The following SLC24A3 variants were observed in gnomAD, a reference collection of about 807,000 sequenced individuals.
SLC24A3 encodes the protein solute carrier family 24 member 3, also known as sodium/potassium/calcium exchanger 3.
In SLC24A3, 28 loss-of-function variants were observed where a neutral mutation model predicts 75.8. The observed-to-expected ratio is 0.37, with a 90% CI of 0.27 to 0.51. The LOEUF (loss-of-function observed/expected upper bound fraction) is 0.51. SLC24A3 is among the 20% of genes least tolerant of loss of function. The probability of loss-of-function intolerance (pLI) is 0.94; values close to 1 mark genes in which losing one functional copy is unlikely to be tolerated. For missense variants in SLC24A3, 663 were observed against 847.8 expected, an observed-to-expected ratio of 0.78 and a Z score of 2.71; for synonymous variants, 372 against 334.1, an observed-to-expected ratio of 1.11 and a Z score of -1.24.
chr20:19,497,673 C>T (rs923621689), intron 2 of SLC24A3, among the ~76,000 whole-genome samples: 1 of 152,160 alleles, frequency 6.6e-6, no homozygotes, highest in Non-Finnish European at 1.5e-5. Context: ...ACACTTGCCT[C>T]AGAAGATCAA....
intron 15 of SLC24A3, among the ~76,000 whole-genome samples, chr20:19,716,830 C>T (rs1453538761): frequency 6.6e-6 from 1 of 152,090 alleles, no homozygotes; most frequent in East Asian, 1.9e-4. Context: ...GCCAAGATCA[C>T]ACCACTGCAC....
intron 6 of SLC24A3, among the ~76,000 whole-genome samples, chr20:19,636,936 A>G (rs1441071162): frequency 6.6e-6 from 1 of 152,222 alleles, no homozygotes; most frequent in Non-Finnish European, 1.5e-5. Context: ...TATTGAAGCC[A>G]TAAAACAAGA....
intron 6 of SLC24A3, among the ~76,000 whole-genome samples, chr20:19,585,975 A>C (rs918783631): frequency 6.6e-6 from 1 of 152,246 alleles, no homozygotes; most frequent in South Asian, 2.1e-4. Context: ...ACATGCAGTC[A>C]TCACGGTTTA....
At chr20:19,296,425 T>G (rs1984062325) in intron 2 of SLC24A3, among the ~76,000 whole-genome samples, 1 of 152,102 alleles carries the variant, frequency 6.6e-6, no homozygotes, top group Admixed American at 6.5e-5. Flanking sequence ...TCTCTAGTTC[T>G]TTTAGTTATG....
chr20:19,299,067 C>T (rs6045978), intron 2 of SLC24A3, among the ~76,000 whole-genome samples: 10 of 152,144 alleles, frequency 6.6e-5, no homozygotes, highest in Admixed American at 4.6e-4. Flanking sequence ...GCCGGCACTG[C>T]CAGTCATTGC....
At chr20:19,549,043 C>A (rs1003885148) in intron 3 of SLC24A3, among the ~76,000 whole-genome samples, 2 of 152,148 alleles carry the variant, frequency 1.3e-5, no homozygotes, top group African/African-American at 4.8e-5. Flanking sequence ...TCTTTCTGAG[C>A]CTTAACGGCC....
chr20:19,592,538 A>T (rs1237002283), intron 6 of SLC24A3, among the ~76,000 whole-genome samples: 1 of 152,200 alleles, frequency 6.6e-6, no homozygotes, highest in Non-Finnish European at 1.5e-5. Flanking sequence ...AAATGAAGCA[A>T]TCATTTCCCT....
chr20:19,234,456 T>C (rs533656957), intron 1 of SLC24A3, among the ~76,000 whole-genome samples: 1 of 152,382 alleles, frequency 6.6e-6, no homozygotes, highest in African/African-American at 2.4e-5. Context: ...ATGACTGCAC[T>C]TCAGATGAAA....
chr20:19,305,195 G>A (rs2122251735), intron 2 of SLC24A3, among the ~76,000 whole-genome samples: 1 of 152,188 alleles, frequency 6.6e-6, no homozygotes, highest in East Asian at 1.9e-4. Flanking sequence ...TTGACATCAT[G>A]TTCCTCAGCC....
chr20:19,238,729 C>T (rs990470774), intron 1 of SLC24A3, among the ~76,000 whole-genome samples: 3 of 152,142 alleles, frequency 2.0e-5, no homozygotes, highest in African/African-American at 7.2e-5. Context: ...TCCTGGTCCC[C>T]GCCCTGGTCT....
In SLC24A3 at chr20:19,526,215, A is replaced by G. The variant is rs367620567; in HGVS notation, c.348+10651A>G. ...TTGTTCTCTTCAGTGCATTTCCTCC[A>G]GTGCTGGCTCTGATTTTGGACTTGA... On this transcript the variant is annotated intron_variant, in intron 3 of 16. Coordinates refer to ENST00000328041, the MANE Select transcript of SLC24A3 (RefSeq NM_020689.4). Among the ~76,000 whole-genome samples the G allele has an allele frequency of 1.4e-3, 213 of 152,262 alleles. 7 individuals are homozygous for G. In the South Asian group the frequency reaches 0.041, roughly 30 times the overall value.
rs572532735 is a variant in SLC24A3, at chr20:19,508,272, C to T, written c.272-7216C>T. The stretch of plus-strand genomic sequence containing the variant: ...GGGTAGCATCCAGACTGCCATCCTT[C>T]GGTGCAATTCCTGAGAGACCAATCC... On this transcript the variant is annotated intron_variant, in intron 2 of 16. Coordinates refer to ENST00000328041, the MANE Select transcript of SLC24A3 (RefSeq NM_020689.4). Among the ~76,000 whole-genome samples the T allele has an allele frequency of 1.6e-4, 25 of 152,278 alleles. No individual in the cohort carries two copies. In the East Asian group the frequency reaches 2.1e-3, roughly 13 times the overall value.
intron 2 of SLC24A3, among the ~76,000 whole-genome samples, chr20:19,415,518 ATTCTAAGTTCCACTG>A (rs1249666514): frequency 6.6e-6 from 1 of 152,196 alleles, no homozygotes; most frequent in African/African-American, 2.4e-5. Context: ...CTAAGTAAGT[ATTCTAAGTTCCACTG>A]TTTAAAAAAA....
At chr20:19,610,234 T>A (rs2031654831) in intron 6 of SLC24A3, among the ~76,000 whole-genome samples, 2 of 152,246 alleles carry the variant, frequency 1.3e-5, no homozygotes, top group African/African-American at 4.8e-5. Flanking sequence ...TGGTTTTCAT[T>A]CTGTTTTGTA....
At chr20:19,282,001 C>T (rs1169311405) in intron 2 of SLC24A3, among the ~76,000 whole-genome samples, 2 of 152,234 alleles carry the variant, frequency 1.3e-5, no homozygotes, top group East Asian at 3.9e-4. Flanking sequence ...GACTTGGCCT[C>T]ATGTGTGCCA....
chr20:19,681,822 C>T (rs2032618498), intron 9 of SLC24A3, 36 bp from the exon 10 acceptor site: 1 of 1,613,268 alleles, frequency 6.2e-7, no homozygotes. Context: ...GAATGGAAAA[C>T]ACTGATGGAC....
intron 2 of SLC24A3, among the ~76,000 whole-genome samples, chr20:19,297,062 C>T (rs981991756): frequency 7.9e-5 from 12 of 152,150 alleles, no homozygotes. Context: ...ATACTGAATG[C>T]ATATAGACCC....
intron 16 of SLC24A3, among the ~76,000 whole-genome samples, chr20:19,719,341 C>T (rs2033077122): frequency 1.3e-5 from 2 of 152,216 alleles, no homozygotes; most frequent in African/African-American, 2.4e-5. Flanking sequence ...AATAAGATAA[C>T]AGAATCTTTG....
rs111848530 is a variant in SLC24A3 at position 19,515,665 on chromosome 20, C to T, written c.348+101C>T. The stretch of plus-strand genomic sequence containing the variant: ...GCCCCCAGTAGATTCTCTCTGCCCT[C>T]CTGTTCCCACGCTGCCTGGTGGGGG... On this transcript the variant is annotated intron_variant, in intron 3 of 16. Transcript: ENST00000328041. 1.2e-4 allele frequency: 140 copies of T among 1,167,694 alleles called. No individual in the cohort carries two copies. The African/African-American group carries it at 1.7e-3, about 14-fold the overall frequency. The allele number at this position is 1,167,694 out of a possible 1,614,324, so 72.3% of individuals were successfully genotyped here.
Sources: allele counts gnomAD v4.1 joint callset (sites outside exome capture counted in the v4.1 genomes callset), GRCh38; gene constraint gnomAD v4.1.1; transcripts MANE v1.5; gene names NCBI Gene and HGNC (gene_info 2026-07-23, HGNC 2026-07-21).